ARHGAP6: variants seen among roughly 807,000 people sequenced by gnomAD.
ARHGAP6 encodes Rho GTPase activating protein 6, also known as rho GTPase-activating protein 6.
A neutral mutation model predicts 55.7 loss-of-function variants in ARHGAP6; 16 were observed. The observed-to-expected ratio is 0.29, with a 90% CI of 0.19 to 0.44. ARHGAP6 has a LOEUF of 0.44. Ranked by LOEUF, ARHGAP6 falls within the 20% of genes least tolerant of loss-of-function variation. The pLI is 1.00. For synonymous variants in ARHGAP6, 382 were observed against 360.9 expected (o/e 1.06, Z -0.66); for missense variants, 698 against 808.9 (o/e 0.86, Z 1.66).
Position 11,237,568 on chromosome X carries a change from C to T in ARHGAP6, c.748+16980G>A, listed in dbSNP as rs556894878. The stretch of plus-strand genomic sequence containing the variant: ...CTGGTATGCCTCAGAGTTTGTGAAC[C>T]TACCCTAGCCTAAAAGGAAGGTCCT... On this transcript the variant is annotated intron_variant, in intron 2 of 12. Coordinates refer to ENST00000337414, the MANE Select transcript of ARHGAP6 (RefSeq NM_013427.3). Among the ~76,000 whole-genome samples the T allele has an allele frequency of 1.1e-4, 12 of 111,325 alleles. No homozygotes were observed. In the South Asian group the frequency reaches 4.2e-3, roughly 39 times the overall value.
At chrX:11,488,140 G>C (rs2050530019) in intron 1 of ARHGAP6, among the ~76,000 whole-genome samples, 1 of 111,868 alleles carries the variant, frequency 8.9e-6, no homozygotes, top group African/African-American at 3.2e-5. Flanking sequence ...AGAGTAAAGA[G>C]ATATGACAAC....
intron 1 of ARHGAP6, among the ~76,000 whole-genome samples, chrX:11,441,829 G>T: frequency 9.2e-6 from 1 of 108,643 alleles, no homozygotes; most frequent in Middle Eastern, 4.7e-3. Flanking sequence ...TAAGATTCTT[G>T]TACACAGCTC....
At chrX:11,301,608 A>G (rs780612479) in intron 1 of ARHGAP6, among the ~76,000 whole-genome samples, 1 of 112,119 alleles carries the variant, frequency 8.9e-6, no homozygotes, top group South Asian at 3.7e-4. Context: ...ATTCAAACAA[A>G]TAACTTGATT....
intron 1 of ARHGAP6, among the ~76,000 whole-genome samples, chrX:11,432,895 G>A (rs895111551): frequency 1.8e-5 from 2 of 112,323 alleles, no homozygotes; most frequent in Non-Finnish European, 3.8e-5. Flanking sequence ...AGCAAAGTGG[G>A]GGTAAAATCT....
chrX:11,186,515 T>C (rs1267958137), intron 4 of ARHGAP6, 84 bp from the exon 5 acceptor site: 2 of 671,879 alleles, frequency 3.0e-6, no homozygotes, highest in Non-Finnish European at 4.5e-6. Flanking sequence ...ATACATACTT[T>C]TGCTCATGAC....
At chrX:11,542,884 C>T (rs2051173095) in intron 1 of ARHGAP6, among the ~76,000 whole-genome samples, 1 of 111,252 alleles carries the variant, frequency 9.0e-6, no homozygotes, top group African/African-American at 3.3e-5. Flanking sequence ...GAAAACCCTC[C>T]AAGCTTGACA....
At chrX:11,250,606 C>T (rs1479604584) in intron 2 of ARHGAP6, among the ~76,000 whole-genome samples, 1 of 111,567 alleles carries the variant, frequency 9.0e-6, no homozygotes, top group East Asian at 2.8e-4. Context: ...CATCTGCATT[C>T]CTTGGCTCAT....
chrX:11,201,902 C>A (rs1160954173), intron 2 of ARHGAP6, among the ~76,000 whole-genome samples: 3 of 109,638 alleles, frequency 2.7e-5, no homozygotes, highest in African/African-American at 1.0e-4. Context: ...GGAATATAAC[C>A]CAACCATATC....
chrX:11,494,988 G>C (rs1015007617), intron 1 of ARHGAP6, among the ~76,000 whole-genome samples: 1 of 111,857 alleles, frequency 8.9e-6, no homozygotes, highest in Non-Finnish European at 1.9e-5. Context: ...TTTATAACTA[G>C]CTTAACATAT....
chrX:11,517,568 C>G (rs2050855958), intron 1 of ARHGAP6, among the ~76,000 whole-genome samples: 2 of 111,511 alleles, frequency 1.8e-5, no homozygotes, highest in African/African-American at 6.5e-5. Context: ...GCCCTCATCT[C>G]TCTCCTGAAC....
At chrX:11,148,010 C>T (rs2045721584) in intron 10 of ARHGAP6, among the ~76,000 whole-genome samples, 1 of 112,122 alleles carries the variant, frequency 8.9e-6, no homozygotes, top group Admixed American at 9.4e-5. Context: ...TTCCTACAAA[C>T]CAGTTCCAAT....
chrX:11,277,002 C>T (rs1175025119), intron 1 of ARHGAP6, among the ~76,000 whole-genome samples: 1 of 111,057 alleles, frequency 9.0e-6, no homozygotes, highest in East Asian at 2.8e-4. Context: ...TTCATCACAC[C>T]AAAAGGAAAG....
intron 1 of ARHGAP6, among the ~76,000 whole-genome samples, chrX:11,505,513 C>A (rs1291068254): frequency 2.7e-5 from 3 of 111,072 alleles, no homozygotes; most frequent in Non-Finnish European, 5.7e-5. Flanking sequence ...GAGCTAAAAA[C>A]AGAACCAACG....
At chrX:11,476,945 C>G (rs994588931) in intron 1 of ARHGAP6, among the ~76,000 whole-genome samples, 32 of 110,598 alleles carry the variant, frequency 2.9e-4, no homozygotes, top group African/African-American at 9.8e-4. Context: ...AAAAACCCAA[C>G]AAGAACAGAT....
chrX:11,657,743 T>TC (rs200897927), intron 1 of ARHGAP6, among the ~76,000 whole-genome samples: 15,430 of 109,847 alleles, frequency 0.14, 1,002 homozygotes, highest in Middle Eastern at 0.25. Context: ...AATGAGACAA[T>TC]AGGAGGGACA....
intron 1 of ARHGAP6, among the ~76,000 whole-genome samples, chrX:11,404,846 T>A (rs1207951382): frequency 1.8e-5 from 2 of 112,339 alleles, no homozygotes; most frequent in Middle Eastern, 4.2e-3. Flanking sequence ...ATTCTAACTA[T>A]CTTATTGTAA....
At chrX:11,150,294 A>G (rs2045756646) in intron 10 of ARHGAP6, among the ~76,000 whole-genome samples, 2 of 111,297 alleles carry the variant, frequency 1.8e-5, no homozygotes. Flanking sequence ...AGCTCTCCTG[A>G]GCTCTGGATT....
At chrX:11,213,605 C>T (rs1300510203) in intron 2 of ARHGAP6, among the ~76,000 whole-genome samples, 1 of 112,323 alleles carries the variant, frequency 8.9e-6, no homozygotes, top group African/African-American at 3.2e-5. Context: ...TTTTGCAGCA[C>T]CACGAATGGA....
At chrX:11,633,641 G>T (rs1199526137) in intron 1 of ARHGAP6, among the ~76,000 whole-genome samples, 1 of 112,245 alleles carries the variant, frequency 8.9e-6, no homozygotes, top group Non-Finnish European at 1.9e-5. Context: ...GAAGTGGAAG[G>T]CGTCTGGACA....
Sources: allele counts gnomAD v4.1 joint callset (sites outside exome capture counted in the v4.1 genomes callset), GRCh38; gene constraint gnomAD v4.1.1; transcripts MANE v1.5; gene names NCBI Gene and HGNC (gene_info 2026-07-23, HGNC 2026-07-21).